UNC13C: variants seen among roughly 807,000 people sequenced by gnomAD.
UNC13C encodes protein unc-13 homolog C.
A neutral mutation model predicts 245.4 loss-of-function variants in UNC13C; 174 were observed. The ratio of observed to expected loss-of-function variants is 0.71; its 90% CI spans 0.63 to 0.80. The LOEUF (loss-of-function observed/expected upper bound fraction) is 0.80. Ranked by LOEUF, UNC13C falls within the 30% of genes least tolerant of loss-of-function variation. The probability of loss-of-function intolerance (pLI) is 0.00; values close to 1 mark genes in which losing one functional copy is unlikely to be tolerated. For missense variants in UNC13C, 2,829 were observed against 2,602.9 expected, an observed-to-expected ratio of 1.09 and a Z score of -1.89; for synonymous variants, 992 against 895.1, an observed-to-expected ratio of 1.11 and a Z score of -1.93.
chr15:54,456,311 T>A (rs1005512737), intron 19 of UNC13C, among the ~76,000 whole-genome samples: 1 of 152,140 alleles, frequency 6.6e-6, no homozygotes, highest in African/African-American at 2.4e-5. Context: ...TTCTTTTTTG[T>A]TTAGTCTTGT....
At chr15:54,269,995 T>G (rs2036643998) in intron 10 of UNC13C, among the ~76,000 whole-genome samples, 1 of 152,230 alleles carries the variant, frequency 6.6e-6, no homozygotes, top group Non-Finnish European at 1.5e-5. Flanking sequence ...ACACTTGTAA[T>G]TCTTTTCTAT....
the UNC13C span, among the ~76,000 whole-genome samples, chr15:53,858,432 T>G: frequency 1.3e-5 from 2 of 152,070 alleles, no homozygotes; most frequent in African/African-American, 2.4e-5. Flanking sequence ...TTGTTTGTTT[T>G]TTTTTTGAGA....
chr15:54,143,091 A>G, intron 3 of UNC13C, 51 bp downstream of exon 3: 1 of 1,546,666 alleles, frequency 6.5e-7, no homozygotes, highest in South Asian at 1.1e-5. Flanking sequence ...TCTTTTGTAC[A>G]TGTTTGTTTG....
chr15:54,235,773 C>T (rs1412438770), intron 5 of UNC13C, among the ~76,000 whole-genome samples: 1 of 152,148 alleles, frequency 6.6e-6, no homozygotes, highest in Non-Finnish European at 1.5e-5. Flanking sequence ...ATGGCGTGAA[C>T]CCGGGAGGCG....
rs1448122161 is a variant in UNC13C at position 54,015,803 on chromosome 15, G to A, written c.2900G>A (p.Arg967Lys). 2 of 1,611,698 alleles carry A rather than the reference G, an allele frequency of 1.2e-6. No homozygotes were observed. Among genetic ancestry groups the A allele is most frequent in the Non-Finnish European group, 1.7e-6 (2 of 1,178,764 alleles). ...EQPVEITKPK[R>K]IRPSFKEAAL... ...CCAGTGGAGATCACAAAGCCAAAGA[G>A]AATTCGTCCTTCTTTCAAAGAAGCA... The change falls in exon 2 of 33, where the codon AGA becomes AAA. Residue 967 changes from arginine to lysine, a missense_variant. Arg to Lys is a conservative substitution (Grantham distance 26, BLOSUM62 2). Transcript: ENST00000260323.
rs556346993 is a variant in UNC13C at position 54,526,811 on chromosome 15, CTGT to C, written c.5546+1181_5546+1183del. On this transcript the variant is annotated intron_variant, in intron 25 of 32. Transcript: ENST00000260323. ...ACTATCTCTGGCCACCACTCATCAC[CTGT>C]TGTTGTGTTTTAGAAAGATCCACTA... is the stretch of plus-strand genomic sequence containing the variant. 1.1e-4 allele frequency among the ~76,000 whole-genome samples: 17 copies of C among 151,618 alleles called. No homozygotes were observed. The East Asian group carries it at 3.3e-3, about 29-fold the overall frequency.
chr15:54,357,662 A>G (rs2039126408), intron 17 of UNC13C, among the ~76,000 whole-genome samples: 1 of 152,072 alleles, frequency 6.6e-6, no homozygotes, highest in South Asian at 2.1e-4. Flanking sequence ...ACATATTAGG[A>G]GGTATAAACG....
At chr15:54,532,288 A>C (rs923629919) in intron 25 of UNC13C, among the ~76,000 whole-genome samples, 4 of 152,132 alleles carry the variant, frequency 2.6e-5, no homozygotes, top group African/African-American at 7.2e-5. Flanking sequence ...CAAAGACCTA[A>C]AGACAGAAAT....
chr15:54,362,683 T>A (rs2039261989), intron 17 of UNC13C, among the ~76,000 whole-genome samples: 1 of 152,096 alleles, frequency 6.6e-6, no homozygotes, highest in South Asian at 2.1e-4. Context: ...CTCTTGAGGA[T>A]GGGGTCCAAC....
chr15:54,535,069 G>A (rs768007353), intron 26 of UNC13C, among the ~76,000 whole-genome samples: 1 of 152,018 alleles, frequency 6.6e-6, no homozygotes, highest in African/African-American at 2.4e-5. Context: ...TATCAACCTT[G>A]AATATAAATG....
At chr15:54,402,047 T>A (rs1279425349) in intron 18 of UNC13C, among the ~76,000 whole-genome samples, 1 of 151,342 alleles carries the variant, frequency 6.6e-6, no homozygotes, top group African/African-American at 2.4e-5. Context: ...AGTTGCAGTT[T>A]GTTTGCTGTT....
intron 30 of UNC13C, among the ~76,000 whole-genome samples, chr15:54,616,783 G>A (rs1324609820): frequency 6.6e-6 from 1 of 152,044 alleles, no homozygotes; most frequent in Non-Finnish European, 1.5e-5. Context: ...AGAGTCTGCA[G>A]GGGGTACAAT....
chr15:54,184,124 T>C (rs1197387341), intron 4 of UNC13C, among the ~76,000 whole-genome samples: 1 of 152,080 alleles, frequency 6.6e-6, no homozygotes, highest in African/African-American at 2.4e-5. Flanking sequence ...TGTTTTTAGA[T>C]TGGTTTTGTT....
chr15:54,410,498 C>T (rs1362902938), intron 18 of UNC13C, among the ~76,000 whole-genome samples: 2 of 151,756 alleles, frequency 1.3e-5, no homozygotes, highest in African/African-American at 4.8e-5. Flanking sequence ...CTTATAGTTT[C>T]CAGTTTTACA....
chr15:54,418,844 GGAA>G (rs1428845329), intron 19 of UNC13C, among the ~76,000 whole-genome samples: 1 of 152,136 alleles, frequency 6.6e-6, no homozygotes, highest in African/African-American at 2.4e-5. Flanking sequence ...TTACATTGAA[GGAA>G]AGCATCAGTG....
At chr15:53,837,837 A>G in the UNC13C span, among the ~76,000 whole-genome samples, 1 of 152,278 alleles carries the variant, frequency 6.6e-6, no homozygotes, top group East Asian at 1.9e-4. Context: ...TTGAAATGCC[A>G]CCACTGTTAA....
rs1895466167 is a variant in UNC13C, at chr15:54,013,239, T to A, written c.336T>A (p.Asp112Glu). ...LQKNAKVTNS[D>E]NEDLLQELSS... ...AGAATGCTAAAGTAACCAACAGTGA[T>A]AATGAGGATCTGCTTCAAGAGCTCT... Residue 112 changes from aspartate to glutamate, a missense_variant, in exon 2 of 33, where the codon GAT (aspartate) becomes GAA (glutamate). By Grantham distance (45) the Asp-to-Glu change is conservative. Transcript: ENST00000260323. 2 of 1,613,640 alleles carry A rather than the reference T, an allele frequency of 1.2e-6. No homozygotes were observed. Among genetic ancestry groups the A allele is most frequent in the South Asian group, 2.2e-5 (2 of 91,080 alleles).
chr15:54,466,216 G>A (rs1892158813), intron 19 of UNC13C, among the ~76,000 whole-genome samples: 1 of 151,800 alleles, frequency 6.6e-6, no homozygotes, highest in Non-Finnish European at 1.5e-5. Context: ...TGGTTAATGG[G>A]TACAAAAATA....
At chr15:54,049,372 A>G (rs1897177581) in intron 2 of UNC13C, 2 of 516,082 alleles carry the variant, frequency 3.9e-6, no homozygotes, top group East Asian at 5.4e-5. Flanking sequence ...TTCTGCCTGC[A>G]GGATAAAACT....
Sources: gnomAD v4.1 joint callset for allele counts (sites outside exome capture counted in the v4.1 genomes callset) on GRCh38, gnomAD v4.1.1 for gene constraint, MANE v1.5 for transcripts, NCBI Gene and HGNC (gene_info 2026-07-23, HGNC 2026-07-21) for gene names.